The following RSU1 variants were observed in gnomAD, a reference collection of about 807,000 sequenced individuals.
The protein encoded by RSU1 is rsu-1.
RSU1 carries 26 observed loss-of-function variants against 31.1 expected under a neutral mutation model. That is an observed-to-expected ratio of 0.84 (90% CI 0.61 to 1.16). The LOEUF (loss-of-function observed/expected upper bound fraction) is 1.16. Ranked by LOEUF, RSU1 falls within the 50% of genes most tolerant of loss-of-function variation. The pLI is 0.00. For missense variants in RSU1, 320 were observed against 339.1 expected (o/e 0.94, Z 0.44); for synonymous variants, 164 against 136.3 (o/e 1.20, Z -1.41).
intron 2 of RSU1, among the ~76,000 whole-genome samples, chr10:16,790,562 C>T (rs6602159): frequency 0.44 from 67,259 of 152,044 alleles, 18,777 homozygotes; most frequent in African/African-American, 0.81. Context: ...ACACAACTCA[C>T]GGGTGATGGA....
chr10:16,809,986 C>CGGGGG (rs747676679), intron 2 of RSU1, among the ~76,000 whole-genome samples: 10 of 77,032 alleles, frequency 1.3e-4, no homozygotes, highest in Non-Finnish European at 1.9e-4. Context: ...TTTGGGAGGC[C>CGGGGG]GGGGGTGGGG....
At chr10:16,669,447 G>A (rs1835065218) in intron 8 of RSU1, among the ~76,000 whole-genome samples, 1 of 151,656 alleles carries the variant, frequency 6.6e-6, no homozygotes, top group South Asian at 2.1e-4. Context: ...ACCAGCTGCT[G>A]ATCTTTCACC....
At chr10:16,605,701 G>A (rs767775466) in intron 8 of RSU1, among the ~76,000 whole-genome samples, 15 of 152,178 alleles carry the variant, frequency 9.9e-5, no homozygotes, top group South Asian at 4.1e-4. Flanking sequence ...TGTGCAGACC[G>A]AGGCAAGTGT....
chr10:16,776,520 A>G (rs1837535746), intron 3 of RSU1, among the ~76,000 whole-genome samples: 1 of 152,022 alleles, frequency 6.6e-6, no homozygotes, highest in Non-Finnish European at 1.5e-5. Context: ...TTTTGCCATA[A>G]AACTTAGGTT....
At chr10:16,733,825 T>G (rs1232785718) in intron 7 of RSU1, among the ~76,000 whole-genome samples, 1 of 152,234 alleles carries the variant, frequency 6.6e-6, no homozygotes, top group African/African-American at 2.4e-5. Context: ...ACACAGCAAG[T>G]TGAGAAATAA....
chr10:16,634,592 A>G (rs1834314281), intron 8 of RSU1, among the ~76,000 whole-genome samples: 1 of 152,208 alleles, frequency 6.6e-6, no homozygotes, highest in South Asian at 2.1e-4. Flanking sequence ...CTTATGTTCT[A>G]GATTTTTTCT....
At chr10:16,718,411 GTA>G (rs1203975907) in intron 7 of RSU1, among the ~76,000 whole-genome samples, 2 of 152,146 alleles carry the variant, frequency 1.3e-5, no homozygotes, top group East Asian at 3.8e-4. Context: ...TACATTATTT[GTA>G]TTTATCATTT....
At chr10:16,770,692 C>T (rs1767418157) in intron 3 of RSU1, among the ~76,000 whole-genome samples, 1 of 152,322 alleles carries the variant, frequency 6.6e-6, no homozygotes, top group Non-Finnish European at 1.5e-5. Flanking sequence ...TTGTGAATTA[C>T]AGCAAGGGGA....
chr10:16,761,406 C>A, intron 4 of RSU1, among the ~76,000 whole-genome samples: 1 of 152,166 alleles, frequency 6.6e-6, no homozygotes, highest in East Asian at 1.9e-4. Context: ...TGGTAAGGAA[C>A]TTGGTAAATC....
At chr10:16,702,188 G>C (rs1835806046) in intron 7 of RSU1, among the ~76,000 whole-genome samples, 2 of 152,236 alleles carry the variant, frequency 1.3e-5, no homozygotes, top group African/African-American at 4.8e-5. Context: ...GTAGGGAAAA[G>C]CCTGGATGTC....
chr10:16,803,816 T>C lies in RSU1; in HGVS notation c.109+13157A>G, dbSNP rs546432340. Among the ~76,000 whole-genome samples, 3 of 152,188 alleles carry C rather than the reference T, an allele frequency of 2.0e-5. No individual in the cohort carries two copies. In the East Asian group the frequency reaches 5.8e-4, roughly 29 times the overall value. ...AATCTAGACAAAGACCTAACATCGT[T>C]CACAAAAATGAACTCCAAATGAATC... On this transcript the variant is annotated intron_variant, in intron 2 of 8. Transcript: ENST00000345264.
At chr10:16,607,927 T>G (rs1833832280) in intron 8 of RSU1, among the ~76,000 whole-genome samples, 1 of 152,152 alleles carries the variant, frequency 6.6e-6, no homozygotes, top group Non-Finnish European at 1.5e-5. Flanking sequence ...CATTGGAACA[T>G]TATCAGCTCA....
intron 8 of RSU1, among the ~76,000 whole-genome samples, chr10:16,673,794 C>T (rs1835167680): frequency 6.6e-6 from 1 of 152,158 alleles, no homozygotes; most frequent in African/African-American, 2.4e-5. Flanking sequence ...CTCGCTTCTG[C>T]CTAGGTCCTT....
intron 7 of RSU1, among the ~76,000 whole-genome samples, chr10:16,722,889 TATATGTATATATACACAC>T (rs1564332546): frequency 8.1e-5 from 12 of 148,834 alleles, no homozygotes; most frequent in African/African-American, 2.7e-4. Flanking sequence ...CACATATACA[TATATGTATATATACACAC>T]ATATACATAT....
intron 3 of RSU1, 71 bp downstream of exon 3, chr10:16,781,963 G>A: frequency 7.7e-7 from 1 of 1,299,822 alleles, no homozygotes; most frequent in Non-Finnish European, 1.1e-6. Context: ...CAAGGAAACA[G>A]TAACAGACTC....
chr10:16,754,800 G>A, intron 5 of RSU1, 71 bp downstream of exon 5: 7 of 939,332 alleles, frequency 7.5e-6, no homozygotes, highest in Non-Finnish European at 1.2e-5. Context: ...TTTGGGTCCT[G>A]GCAAATAAAT....
intron 7 of RSU1, among the ~76,000 whole-genome samples, chr10:16,731,568 T>C (rs1836512680): frequency 6.6e-6 from 1 of 152,200 alleles, no homozygotes; most frequent in African/African-American, 2.4e-5. Context: ...GCCTGGCATA[T>C]ACTCCAAAAA....
chr10:16,812,086 A>C (rs1441300638), intron 2 of RSU1, among the ~76,000 whole-genome samples: 3 of 152,254 alleles, frequency 2.0e-5, no homozygotes, highest in African/African-American at 7.2e-5. Flanking sequence ...CCAGGCCAAG[A>C]AGCGGCGTGT....
chr10:16,634,068 C>A lies in RSU1; in HGVS notation c.732-40572G>T, dbSNP rs140408133. On this transcript the variant is annotated intron_variant, in intron 8 of 8. Transcript: ENST00000345264. ...TATCAGACAGCTTCCACCAAGTGAA[C>A]CATGACTCCTCAGTCTTTGGCGAAG... Among the ~76,000 whole-genome samples the A allele has an allele frequency of 1.9e-4, 29 of 152,324 alleles. No homozygotes were observed. In the East Asian group the frequency reaches 5.6e-3, roughly 29 times the overall value.
Sources: gnomAD v4.1 joint callset for allele counts (sites outside exome capture counted in the v4.1 genomes callset) on GRCh38, gnomAD v4.1.1 for gene constraint, MANE v1.5 for transcripts, NCBI Gene and HGNC (gene_info 2026-07-23, HGNC 2026-07-21) for gene names.